Variants in XKR4 observed in about 807,000 individuals in gnomAD.
XKR4 encodes XK-related protein 4.
Under a neutral mutation model 53.9 loss-of-function variants are expected in XKR4, and 12 were observed. The ratio of observed to expected loss-of-function variants is 0.22; its 90% CI spans 0.14 to 0.36. The LOEUF (loss-of-function observed/expected upper bound fraction) is 0.36. Among genes scored for constraint, XKR4 ranks in the 10% least tolerant of loss-of-function variants. The pLI is 1.00. For missense variants in XKR4, 799 were observed against 859.5 expected (o/e 0.93, Z 0.88); for synonymous variants, 354 against 362.4 (o/e 0.98, Z 0.26).
intron 1 of XKR4, among the ~76,000 whole-genome samples, chr8:55,302,055 C>T (rs1819207600): frequency 6.6e-6 from 1 of 152,128 alleles, no homozygotes; most frequent in African/African-American, 2.4e-5. Context: ...GTGTTTTAGA[C>T]ATGAAGTCCT....
In XKR4 at chr8:55,489,989, A is replaced by G. The variant is rs150868658; in HGVS notation, c.1007-33292A>G. Among the ~76,000 whole-genome samples the G allele has an allele frequency of 3.7e-3, 562 of 152,292 alleles. 5 individuals are homozygous for G. Among genetic ancestry groups the G allele is most frequent in the African/African-American group, 0.013 (526 of 41,572 alleles). Reference sequence around the variant, plus strand: ...CATGTGTTATAAACCCCCATGGTACATTATAATTGTTTTTGCCTAAATAGT... The same window carrying G: ...CATGTGTTATAAACCCCCATGGTACGTTATAATTGTTTTTGCCTAAATAGT... On this transcript the variant is annotated intron_variant, in intron 2 of 2. Transcript: ENST00000327381.
intron 1 of XKR4, among the ~76,000 whole-genome samples, chr8:55,284,980 G>A (rs1220475370): frequency 3.3e-5 from 5 of 151,986 alleles, no homozygotes; most frequent in Non-Finnish European, 5.9e-5. Flanking sequence ...GCAATCTCTC[G>A]CTTTGCTGCC....
At chr8:55,484,339 A>G (rs1806161142) in intron 2 of XKR4, among the ~76,000 whole-genome samples, 2 of 152,332 alleles carry the variant, frequency 1.3e-5, no homozygotes, top group East Asian at 3.8e-4. Flanking sequence ...AACTCATATT[A>G]CCCTGACTCT....
intron 1 of XKR4, among the ~76,000 whole-genome samples, chr8:55,340,473 A>G (rs1488805383): frequency 6.6e-6 from 1 of 152,264 alleles, no homozygotes; most frequent in East Asian, 1.9e-4. Context: ...ATCAAGTGAG[A>G]CAGTTAAGAC....
intron 2 of XKR4, among the ~76,000 whole-genome samples, chr8:55,364,427 TTCTGTAGC>T (rs1803944476): frequency 6.6e-6 from 1 of 152,194 alleles, no homozygotes; most frequent in South Asian, 2.1e-4. Context: ...GCCCTGCTCC[TTCTGTAGC>T]GTGTTCTCCC....
At chr8:55,334,637 T>G (rs771498763) in intron 1 of XKR4, among the ~76,000 whole-genome samples, 2 of 152,086 alleles carry the variant, frequency 1.3e-5, no homozygotes, top group Non-Finnish European at 1.5e-5. Flanking sequence ...AAGACCAACC[T>G]CATATACCTG....
rs537215332 is a variant in XKR4, at chr8:55,541,639, A to G, written c.*17412A>G. ...CCCCCAGTATGAGCACAGTGCCTGGACCTGAATGATCATCTTGGCAGTTCT... is the reference window on the plus strand; with the variant it reads ...CCCCCAGTATGAGCACAGTGCCTGGGCCTGAATGATCATCTTGGCAGTTCT... On this transcript the variant is annotated 3_prime_UTR_variant, in exon 3 of 3. Coordinates refer to ENST00000327381, the MANE Select transcript of XKR4 (RefSeq NM_052898.2). 6.6e-6 allele frequency: 1 copy of G among 152,310 alleles called. No homozygotes were observed. Among genetic ancestry groups the G allele is most frequent in the East Asian group, 1.9e-4 (1 of 5,180 alleles). The allele number at this position is 152,310 out of a possible 1,614,324, so 9.4% of individuals were successfully genotyped here.
intron 2 of XKR4, among the ~76,000 whole-genome samples, chr8:55,500,950 A>G (rs1320036489): frequency 6.6e-6 from 1 of 152,184 alleles, no homozygotes; most frequent in Non-Finnish European, 1.5e-5. Flanking sequence ...CCCAAAAGAT[A>G]TGTGCTGGCA....
chr8:55,294,390 C>T (rs191514891), intron 1 of XKR4, among the ~76,000 whole-genome samples: 5 of 152,272 alleles, frequency 3.3e-5, no homozygotes, highest in Admixed American at 2.6e-4. Context: ...TCAAGGTATC[C>T]GTGTTCCTAC....
intron 2 of XKR4, among the ~76,000 whole-genome samples, chr8:55,507,554 A>G (rs1039324733): frequency 3.3e-5 from 5 of 151,922 alleles, no homozygotes; most frequent in African/African-American, 9.7e-5. Flanking sequence ...TCCTGTGTCC[A>G]TGTGTTATTG....
At chr8:55,480,395 C>A (rs1376544630) in intron 2 of XKR4, among the ~76,000 whole-genome samples, 3 of 152,164 alleles carry the variant, frequency 2.0e-5, no homozygotes, top group Non-Finnish European at 4.4e-5. Context: ...ATTGTTGGGA[C>A]GTATCTCAAA....
At chr8:55,392,167 C>T (rs1804453059) in intron 2 of XKR4, among the ~76,000 whole-genome samples, 1 of 152,092 alleles carries the variant, frequency 6.6e-6, no homozygotes, top group South Asian at 2.1e-4. Context: ...TCTAAAAAGG[C>T]ATGGAAAAAA....
At chr8:55,301,553 T>A (rs1044731754) in intron 1 of XKR4, among the ~76,000 whole-genome samples, 2 of 152,138 alleles carry the variant, frequency 1.3e-5, no homozygotes, top group African/African-American at 4.8e-5. Context: ...TAGTTCAAGA[T>A]CCCTGAGGAA....
At chr8:55,149,762 A>G (rs1030749180) in intron 1 of XKR4, among the ~76,000 whole-genome samples, 3 of 152,196 alleles carry the variant, frequency 2.0e-5, no homozygotes, top group Admixed American at 6.5e-5. Flanking sequence ...TTGTTTGTTA[A>G]CTATTGCAGA....
chr8:55,520,734 C>A (rs1259466288), intron 2 of XKR4, among the ~76,000 whole-genome samples: 1 of 152,148 alleles, frequency 6.6e-6, no homozygotes, highest in Non-Finnish European at 1.5e-5. Context: ...TGATAGAAAG[C>A]CTTCATTTTT....
intron 2 of XKR4, among the ~76,000 whole-genome samples, chr8:55,438,434 A>G (rs1805210540): frequency 6.6e-6 from 1 of 151,886 alleles, no homozygotes; most frequent in South Asian, 2.1e-4. Flanking sequence ...AAAAAAAAAT[A>G]CAAAAATGAG....
chr8:55,428,860 A>T (rs879522320), intron 2 of XKR4, among the ~76,000 whole-genome samples: 1 of 152,240 alleles, frequency 6.6e-6, no homozygotes, highest in South Asian at 2.1e-4. Flanking sequence ...TCCCAAATGG[A>T]TGTGGGTTTA....
chr8:55,141,497 A>G (rs1039827580), intron 1 of XKR4, among the ~76,000 whole-genome samples: 1 of 152,002 alleles, frequency 6.6e-6, no homozygotes, highest in Non-Finnish European at 1.5e-5. Context: ...TCAGAAACCT[A>G]TGAAAACCGA....
In XKR4 at chr8:55,534,225, AT is replaced by A. The variant is rs1806994424; in HGVS notation, c.*10001del. ...TCTGCATGGGTGCAGCTACTGAATA[AT>A]TTGATTCCTGCCTTCTTAGGTGGTG... is the stretch of plus-strand genomic sequence containing the variant. On this transcript the variant is annotated 3_prime_UTR_variant, in exon 3 of 3. Transcript: ENST00000327381. 1 of 152,044 alleles carries A rather than the reference AT, an allele frequency of 6.6e-6. No homozygotes were observed. The highest frequency in any genetic ancestry group is 1.5e-5 in the Non-Finnish European group (1 of 68,032). 9.4% of individuals were successfully genotyped at this position (152,044 alleles called of 1,614,324 possible).
Sources: allele counts gnomAD v4.1 joint callset (sites outside exome capture counted in the v4.1 genomes callset), GRCh38; gene constraint gnomAD v4.1.1; transcripts MANE v1.5; gene names NCBI Gene and HGNC (gene_info 2026-07-23, HGNC 2026-07-21).